ZNF407: variants seen among roughly 807,000 people sequenced by gnomAD.
ZNF407 encodes zinc finger protein 407.
A neutral mutation model predicts 131.2 loss-of-function variants in ZNF407; 17 were observed. The ratio of observed to expected loss-of-function variants is 0.13; its 90% CI spans 0.09 to 0.19. The LOEUF (loss-of-function observed/expected upper bound fraction) is 0.19, where lower values mean the gene tolerates loss of function less well. Ranked by LOEUF, ZNF407 falls within the 10% of genes least tolerant of loss-of-function variation. The probability of loss-of-function intolerance (pLI) is 1.00; values close to 1 mark genes in which losing one functional copy is unlikely to be tolerated. For synonymous variants in ZNF407, 1,156 were observed against 1,062.0 expected (o/e 1.09, Z -1.72); for missense variants, 2,681 against 2,830.6 (o/e 0.95, Z 1.20).
intron 3 of ZNF407, among the ~76,000 whole-genome samples, chr18:74,694,149 G>T (rs918999959): frequency 1.3e-5 from 2 of 152,132 alleles, no homozygotes; most frequent in African/African-American, 2.4e-5. Context: ...TTCCTTTAAA[G>T]AATGTTGGAT....
chr18:74,949,643 C>T (rs1322856794), intron 8 of ZNF407, among the ~76,000 whole-genome samples: 1 of 152,170 alleles, frequency 6.6e-6, no homozygotes, highest in Admixed American at 6.5e-5. Context: ...TCTGAATTCC[C>T]AGGTTAAGAA....
At chr18:74,848,418 G>A (rs939980425) in intron 4 of ZNF407, among the ~76,000 whole-genome samples, 1 of 152,138 alleles carries the variant, frequency 6.6e-6, no homozygotes, top group Non-Finnish European at 1.5e-5. Context: ...TAAGGCCAGT[G>A]CTTACACTGG....
At position 74,991,364 on chromosome 18, in the gene ZNF407, C is replaced by G. The variant is rs183061027; in HGVS notation, c.5428+70672C>G. ...TCAGTAGCTTTTACCTTCTGTATAT[C>G]TTTGATTTCTAGAACTATATATTTT... On this transcript the variant is annotated intron_variant, in intron 8 of 8. Coordinates refer to ENST00000299687, the MANE Select transcript of ZNF407 (RefSeq NM_017757.3). 4.8e-3 allele frequency among the ~76,000 whole-genome samples: 727 copies of G among 152,252 alleles called. 17 individuals are homozygous for G. The highest frequency in any genetic ancestry group is 0.016 in the African/African-American group (684 of 41,550).
chr18:74,837,944 G>A (rs1289618536), intron 4 of ZNF407, among the ~76,000 whole-genome samples: 1 of 152,166 alleles, frequency 6.6e-6, no homozygotes, highest in South Asian at 2.1e-4. Context: ...GTGACCCACT[G>A]CGTCTGGAGC....
chr18:75,063,849 T>A lies in ZNF407; in HGVS notation c.6128T>A (p.Phe2043Tyr). Residue 2043 changes from phenylalanine to tyrosine, a missense_variant, in exon 9 of 9, where the codon TTC becomes TAC. Phe to Tyr is a conservative substitution (Grantham distance 22, BLOSUM62 3). Coordinates refer to ENST00000299687, the MANE Select transcript of ZNF407 (RefSeq NM_017757.3). This position sits in a 1 kb window ranked among gnomAD's most constrained non-coding sequence, Gnocchi z 6.6. ...CCCGAGGCCCCCGAGATCCAGATGT[T>A]CCCACAGGCCCAGGAGAGCCCGGCC... The part of the protein sequence containing the change: ...ADPEAPEIQM[F>Y]PQAQESPAAV... 6.2e-7 allele frequency: 1 copy of A among 1,609,282 alleles called. No individual in the cohort carries two copies. The highest frequency in any genetic ancestry group is 2.2e-5 in the East Asian group (1 of 44,754).
chr18:74,840,638 C>T (rs546495621), intron 4 of ZNF407, among the ~76,000 whole-genome samples: 6 of 152,186 alleles, frequency 3.9e-5, no homozygotes, highest in Admixed American at 2.6e-4. Context: ...CTCAGCTCCC[C>T]GAGTTGCTGG....
At chr18:74,622,509 G>A (rs1391838982) in intron 1 of ZNF407, among the ~76,000 whole-genome samples, 1 of 151,588 alleles carries the variant, frequency 6.6e-6, no homozygotes, top group African/African-American at 2.4e-5. Flanking sequence ...CTTTTTTTTT[G>A]TACTCCCCAA....
chr18:74,737,554 C>T (rs1480473664), intron 3 of ZNF407, among the ~76,000 whole-genome samples: 1 of 152,168 alleles, frequency 6.6e-6, no homozygotes, highest in African/African-American at 2.4e-5. Context: ...TCTTATATAA[C>T]TTGTGGTCTG....
intron 5 of ZNF407, among the ~76,000 whole-genome samples, chr18:74,879,857 CTT>C (rs1971214833): frequency 2.0e-5 from 3 of 152,148 alleles, no homozygotes; most frequent in African/African-American, 7.2e-5. Context: ...AGGGAAGACT[CTT>C]TTGATTACTG....
Position 75,027,281 on chromosome 18 carries a change from A to G in ZNF407, c.5429-35869A>G, listed in dbSNP as rs550616705. The stretch of plus-strand genomic sequence containing the variant: ...AAGGAGGCAAGGAAGAGGGTGGTGC[A>G]TAGGCAATGGGAAGAGCTGTGGGTT... On this transcript the variant is annotated intron_variant, in intron 8 of 8. Transcript: ENST00000299687. Among the ~76,000 whole-genome samples the G allele has an allele frequency of 1.2e-4, 18 of 152,352 alleles. No individual in the cohort carries two copies. The South Asian group carries it at 3.5e-3, about 30-fold the overall frequency.
intron 3 of ZNF407, among the ~76,000 whole-genome samples, chr18:74,670,823 A>G (rs1986111918): frequency 1.3e-5 from 2 of 152,080 alleles, no homozygotes; most frequent in African/African-American, 2.4e-5. Context: ...GTGCCACCAC[A>G]TCCAGCTAAT....
At chr18:74,615,130 A>C (rs1391808243) in intron 1 of ZNF407, among the ~76,000 whole-genome samples, 1 of 152,234 alleles carries the variant, frequency 6.6e-6, no homozygotes, top group Non-Finnish European at 1.5e-5. Flanking sequence ...TTCAAGGTGG[A>C]AGGAGCCAGG....
At chr18:74,913,821 G>C (rs10514148) in intron 7 of ZNF407, among the ~76,000 whole-genome samples, 22,112 of 152,238 alleles carry the variant, frequency 0.15, 1,760 homozygotes, top group Middle Eastern at 0.26. Context: ...TCATAAGTGA[G>C]TGTGTAGTAC....
intron 3 of ZNF407, among the ~76,000 whole-genome samples, chr18:74,738,297 G>T (rs1425939450): frequency 6.6e-6 from 1 of 151,892 alleles, no homozygotes; most frequent in Non-Finnish European, 1.5e-5. Flanking sequence ...GTGCGTGCCT[G>T]TAGTCCCAGC....
At chr18:74,961,224 T>G (rs547299596) in intron 8 of ZNF407, among the ~76,000 whole-genome samples, 1 of 152,192 alleles carries the variant, frequency 6.6e-6, no homozygotes, top group African/African-American at 2.4e-5. Flanking sequence ...GTTATACTCC[T>G]TTAATTCTCA....
At chr18:74,991,153 A>AG (rs779100835) in intron 8 of ZNF407, among the ~76,000 whole-genome samples, 1 of 152,236 alleles carries the variant, frequency 6.6e-6, no homozygotes, top group Non-Finnish European at 1.5e-5. Context: ...AATTCAAGCA[A>AG]GTCATGAGAA....
intron 3 of ZNF407, among the ~76,000 whole-genome samples, chr18:74,684,975 T>G (rs1162940305): frequency 6.6e-6 from 1 of 152,216 alleles, no homozygotes; most frequent in Admixed American, 6.5e-5. Context: ...TTAACATTAT[T>G]TATTGTTTTC....
intron 1 of ZNF407, among the ~76,000 whole-genome samples, chr18:74,613,776 T>G (rs1599130218): frequency 6.6e-6 from 1 of 152,358 alleles, no homozygotes; most frequent in East Asian, 1.9e-4. Context: ...TAATTTTCCT[T>G]TTTATGCTGT....
chr18:74,643,904 C>G (rs964991585), intron 3 of ZNF407, among the ~76,000 whole-genome samples: 9 of 151,914 alleles, frequency 5.9e-5, no homozygotes, highest in African/African-American at 1.4e-4. Context: ...ACCATTACCC[C>G]CTTTTGCCCT....
Sources: allele counts gnomAD v4.1 joint callset (sites outside exome capture counted in the v4.1 genomes callset), GRCh38; gene constraint gnomAD v4.1.1; non-coding constraint Gnocchi (gnomAD v3.1); transcripts MANE v1.5; gene names NCBI Gene and HGNC (gene_info 2026-07-23, HGNC 2026-07-21).